HDAC9: variants seen among roughly 807,000 people sequenced by gnomAD.
HDAC9 encodes MEF-2 interacting transcription repressor (MITR) protein.
In HDAC9, 41 loss-of-function variants were observed where a neutral mutation model predicts 139.4. That is an observed-to-expected ratio of 0.29 (90% CI 0.23 to 0.38). The LOEUF is 0.38. Ranked by LOEUF, HDAC9 falls within the 10% of genes least tolerant of loss-of-function variation. The probability of loss-of-function intolerance (pLI) is 1.00; values close to 1 mark genes in which losing one functional copy is unlikely to be tolerated. For synonymous variants in HDAC9, 517 were observed against 476.2 expected (o/e 1.09, Z -1.12); for missense variants, 1,147 against 1,297.0 (o/e 0.88, Z 1.78).
At chr7:18,605,827 C>A (rs779052968) in intron 6 of HDAC9, among the ~76,000 whole-genome samples, 4 of 152,190 alleles carry the variant, frequency 2.6e-5, no homozygotes, top group Middle Eastern at 3.4e-3. Flanking sequence ...ACTACAGGCG[C>A]CCTCCACCAT....
At chr7:18,117,518 AAGAG>A (rs1239904943) in intron 1 of HDAC9, among the ~76,000 whole-genome samples, 2 of 151,732 alleles carry the variant, frequency 1.3e-5, no homozygotes, top group Admixed American at 1.3e-4. Context: ...AAAAAAAAAA[AAGAG>A]AAGAGATAGA....
At chr7:18,854,817 A>G (rs1211654624) in intron 21 of HDAC9, among the ~76,000 whole-genome samples, 1 of 152,178 alleles carries the variant, frequency 6.6e-6, no homozygotes, top group Non-Finnish European at 1.5e-5. Flanking sequence ...ATAAATGCTA[A>G]AATTTATGAA....
At chr7:18,454,328 A>T (rs984528322) in intron 1 of HDAC9, among the ~76,000 whole-genome samples, 1 of 152,062 alleles carries the variant, frequency 6.6e-6, no homozygotes, top group African/African-American at 2.4e-5. Flanking sequence ...TTATAATAGC[A>T]GTGTTTTATA....
At chr7:18,814,029 C>A (rs1157774940) in intron 17 of HDAC9, among the ~76,000 whole-genome samples, 1 of 152,132 alleles carries the variant, frequency 6.6e-6, no homozygotes, top group South Asian at 2.1e-4. Context: ...CTATTTCCAG[C>A]CTCTTCATCT....
chr7:18,868,678 CCATTAAAAGTAATGT>C (rs763809512), intron 21 of HDAC9, among the ~76,000 whole-genome samples: 4 of 151,966 alleles, frequency 2.6e-5, no homozygotes, highest in South Asian at 2.1e-4. Flanking sequence ...GTGTTTTTTG[CCATTAAAAGTAATGT>C]CATTAAAAGT....
rs748836317 is a variant in HDAC9, at chr7:18,999,244, A to G, written c.*3182A>G. The G allele has an allele frequency of 5.3e-5, 8 of 152,206 alleles. No individual in the cohort carries two copies. Among genetic ancestry groups the G allele is most frequent in the Admixed American group, 2.0e-4 (3 of 15,278 alleles). 9.4% of individuals were successfully genotyped at this position (152,206 alleles called of 1,614,324 possible). A position where few individuals can be genotyped will look rare whatever the true frequency, so the allele number is the denominator to read the frequency against. On this transcript the variant is annotated 3_prime_UTR_variant, in exon 26 of 26. Coordinates refer to ENST00000686413, the MANE Select transcript of HDAC9 (RefSeq NM_178425.4). Reference sequence around the variant, plus strand: ...CTCTCACTAACCTTTCACTGACAACATCATGGCCTTGAAAGCAGGGATCTC... The same window carrying G: ...CTCTCACTAACCTTTCACTGACAACGTCATGGCCTTGAAAGCAGGGATCTC...
At chr7:18,580,119 A>G (rs1296474242) in intron 2 of HDAC9, among the ~76,000 whole-genome samples, 1 of 152,170 alleles carries the variant, frequency 6.6e-6, no homozygotes, top group African/African-American at 2.4e-5. Flanking sequence ...CTCTTTAACG[A>G]CCCTTGAATT....
intron 1 of HDAC9, among the ~76,000 whole-genome samples, chr7:18,358,850 C>T (rs141154542): frequency 1.7e-3 from 252 of 152,272 alleles, no homozygotes; most frequent in African/African-American, 6.0e-3. Flanking sequence ...GTATAATAAC[C>T]ACGTTAGAAG....
At position 18,611,647 on chromosome 7, in the gene HDAC9, C is replaced by T. The variant is rs540759157; in HGVS notation, c.664+17618C>T. On this transcript the variant is annotated intron_variant, in intron 6 of 25. Coordinates refer to ENST00000686413, the MANE Select transcript of HDAC9 (RefSeq NM_178425.4). ...TAACCCTTAACACTTATTCTTTGAACACGAATAAGTGATATCTAATATCAT... is the reference window on the plus strand; with the variant it reads ...TAACCCTTAACACTTATTCTTTGAATACGAATAAGTGATATCTAATATCAT... Among the ~76,000 whole-genome samples, 4 of 152,144 alleles carry T rather than the reference C, an allele frequency of 2.6e-5. No individual in the cohort carries two copies. The East Asian group carries it at 5.8e-4, about 22-fold the overall frequency.
intron 9 of HDAC9, 95 bp downstream of exon 9, chr7:18,644,888 A>G: frequency 2.4e-6 from 3 of 1,272,974 alleles, no homozygotes; most frequent in Non-Finnish European, 3.2e-6. Flanking sequence ...GACTTTAGAA[A>G]AACTTGACAG....
intron 12 of HDAC9, among the ~76,000 whole-genome samples, chr7:18,699,313 G>C (rs1783284327): frequency 1.3e-5 from 2 of 152,090 alleles, no homozygotes; most frequent in Admixed American, 6.6e-5. Flanking sequence ...CTGTGCCTTA[G>C]AATCTTAAAA....
At chr7:18,571,179 T>C (rs1824162260) in intron 2 of HDAC9, among the ~76,000 whole-genome samples, 1 of 152,258 alleles carries the variant, frequency 6.6e-6, no homozygotes, top group South Asian at 2.1e-4. Flanking sequence ...GTTCAATTTT[T>C]TTCTAAATTG....
At chr7:18,122,161 T>G (rs890441612) in intron 1 of HDAC9, among the ~76,000 whole-genome samples, 49 of 152,192 alleles carry the variant, frequency 3.2e-4, no homozygotes, top group African/African-American at 1.1e-3. Context: ...GAGCTTAAGT[T>G]AATTCATTTT....
At chr7:18,738,954 C>A (rs1210764810) in intron 13 of HDAC9, among the ~76,000 whole-genome samples, 5 of 152,118 alleles carry the variant, frequency 3.3e-5, no homozygotes, top group South Asian at 2.1e-4. Context: ...AGGCTTTGTT[C>A]ATTTCTTTTT....
chr7:18,646,810 G>A (rs947189723), intron 9 of HDAC9, among the ~76,000 whole-genome samples: 1 of 152,064 alleles, frequency 6.6e-6, no homozygotes, highest in African/African-American at 2.4e-5. Context: ...TATTGCTATT[G>A]ATGATATAAT....
At chr7:18,671,175 G>T (rs144404976) in intron 12 of HDAC9, among the ~76,000 whole-genome samples, 1 of 151,936 alleles carries the variant, frequency 6.6e-6, no homozygotes. Flanking sequence ...TCAAGGACAC[G>T]CTTGATAATA....
intron 1 of HDAC9, among the ~76,000 whole-genome samples, chr7:18,153,387 A>G (rs1786927626): frequency 6.6e-6 from 1 of 152,100 alleles, no homozygotes. Context: ...CCCATTGGTT[A>G]CTTGATATAC....
chr7:18,531,753 C>T (rs1809038612), intron 2 of HDAC9, among the ~76,000 whole-genome samples: 3 of 148,832 alleles, frequency 2.0e-5, no homozygotes, highest in Admixed American at 2.0e-4. Context: ...GTAAGCAAAA[C>T]TCAATACCCT....
intron 2 of HDAC9, among the ~76,000 whole-genome samples, chr7:18,525,388 T>C (rs952333378): frequency 1.3e-5 from 2 of 152,154 alleles, no homozygotes; most frequent in Non-Finnish European, 2.9e-5. Context: ...CTACTTGAAA[T>C]TTCTTAATCA....
Sources: allele counts gnomAD v4.1 joint callset (sites outside exome capture counted in the v4.1 genomes callset), GRCh38; gene constraint gnomAD v4.1.1; transcripts MANE v1.5; gene names NCBI Gene and HGNC (gene_info 2026-07-23, HGNC 2026-07-21).